The following ANKRD30B variants were observed in gnomAD, a reference collection of about 807,000 sequenced individuals.
ANKRD30B encodes ankyrin repeat domain-containing protein 30B.
In ANKRD30B, 144 loss-of-function variants were observed where a neutral mutation model predicts 202.2. The observed-to-expected ratio is 0.71, with a 90% CI of 0.62 to 0.82. The LOEUF (loss-of-function observed/expected upper bound fraction) is 0.82. Among genes scored for constraint, ANKRD30B ranks in the 40% least tolerant of loss-of-function variants. The pLI is 0.00. For synonymous variants in ANKRD30B, 508 were observed against 561.3 expected (o/e 0.91, Z 1.34); for missense variants, 1,487 against 1,669.1 (o/e 0.89, Z 1.90).
the ANKRD30B span, among the ~76,000 whole-genome samples, chr18:14,926,003 A>T: frequency 9.9e-5 from 15 of 151,468 alleles, no homozygotes; most frequent in African/African-American, 3.2e-4. Flanking sequence ...GTTTTCAGAT[A>T]AAAAAAAATG....
At chr18:14,885,971 T>C in the ANKRD30B span, among the ~76,000 whole-genome samples, 1 of 152,046 alleles carries the variant, frequency 6.6e-6, no homozygotes, top group South Asian at 2.1e-4. Flanking sequence ...TGTTTATATG[T>C]ATATTTTGCA....
the ANKRD30B span, among the ~76,000 whole-genome samples, chr18:14,917,600 T>A: frequency 6.6e-6 from 1 of 152,132 alleles, no homozygotes. Flanking sequence ...TTATTCAGAG[T>A]CAAGTTTGAG....
At chr18:14,843,550 T>C (rs1971506589) in intron 39 of ANKRD30B, among the ~76,000 whole-genome samples, 2 of 95,044 alleles carry the variant, frequency 2.1e-5, no homozygotes, top group African/African-American at 4.2e-5. Context: ...ATTAGCTTAC[T>C]TTCTGTGTGT....
the ANKRD30B span, among the ~76,000 whole-genome samples, chr18:14,916,547 A>C: frequency 2.0e-5 from 3 of 152,162 alleles, no homozygotes; most frequent in Non-Finnish European, 4.4e-5. Context: ...TGTATTCCCC[A>C]CTAGGAGCTG....
chr18:14,868,296 A>C, the ANKRD30B span, among the ~76,000 whole-genome samples: 3 of 152,290 alleles, frequency 2.0e-5, no homozygotes, highest in Admixed American at 1.3e-4. Context: ...AGGTGCAGCC[A>C]GGGCAAGGAG....
chr18:14,849,205 A>AG (rs2143253531), intron 40 of ANKRD30B, among the ~76,000 whole-genome samples: 1 of 151,970 alleles, frequency 6.6e-6, no homozygotes, highest in African/African-American at 2.4e-5. Context: ...TTGATTTTTA[A>AG]TTTTTTGTAT....
intron 32 of ANKRD30B, among the ~76,000 whole-genome samples, chr18:14,825,884 G>A (rs1416715801): frequency 6.6e-6 from 1 of 152,132 alleles, no homozygotes; most frequent in Admixed American, 6.6e-5. Flanking sequence ...CTAGGGGAGA[G>A]AAGAAATTTC....
chr18:14,849,604 T>C (rs73429628), intron 40 of ANKRD30B, among the ~76,000 whole-genome samples: 3,989 of 151,778 alleles, frequency 0.026, 187 homozygotes, highest in African/African-American at 0.092. Flanking sequence ...TATTTATACT[T>C]TTTCTTGTTC....
the ANKRD30B span, among the ~76,000 whole-genome samples, chr18:14,889,751 G>C: frequency 0.013 from 1,936 of 149,854 alleles, 43 homozygotes; most frequent in African/African-American, 0.046. Context: ...GATCCTTAGA[G>C]GTCAGCTGAT....
intron 9 of ANKRD30B, among the ~76,000 whole-genome samples, chr18:14,775,638 A>C (rs746875055): frequency 2.0e-4 from 30 of 152,370 alleles, no homozygotes; most frequent in Admixed American, 1.4e-3. Context: ...CATTCTTTTC[A>C]CAAATAGAAC....
intron 24 of ANKRD30B, among the ~76,000 whole-genome samples, chr18:14,806,497 G>A (rs1359474070): frequency 6.6e-6 from 1 of 150,828 alleles, no homozygotes; most frequent in African/African-American, 2.5e-5. Context: ...AATCTCCAGT[G>A]TACCCCTTTA....
chr18:14,806,312 TA>T (rs1969510961), intron 24 of ANKRD30B, among the ~76,000 whole-genome samples: 1 of 150,862 alleles, frequency 6.6e-6, no homozygotes, highest in Non-Finnish European at 1.5e-5. Flanking sequence ...AGCATCATAA[TA>T]ATTACAGATG....
chr18:14,844,198 A>G (rs1971537011), intron 39 of ANKRD30B, among the ~76,000 whole-genome samples: 1 of 152,230 alleles, frequency 6.6e-6, no homozygotes, highest in Non-Finnish European at 1.5e-5. Context: ...AAATTTGTTT[A>G]TGCAAAAAAC....
At chr18:14,751,075 T>C (rs893403247) in intron 1 of ANKRD30B, among the ~76,000 whole-genome samples, 5 of 152,074 alleles carry the variant, frequency 3.3e-5, no homozygotes, top group Admixed American at 1.3e-4. Flanking sequence ...TGCATTTGTA[T>C]ATTCTGTGAA....
chr18:14,917,577 A>G, the ANKRD30B span, among the ~76,000 whole-genome samples: 1 of 152,156 alleles, frequency 6.6e-6, no homozygotes, highest in Admixed American at 6.5e-5. Context: ...TGGGGGAGAA[A>G]AGGGAGAGGG....
intron 40 of ANKRD30B, among the ~76,000 whole-genome samples, chr18:14,850,003 TAGA>T (rs1456468871): frequency 6.6e-6 from 1 of 151,310 alleles, no homozygotes; most frequent in Non-Finnish European, 1.5e-5. Flanking sequence ...ACTTTCTAAC[TAGA>T]AGAAGTTTTT....
rs192401018 is a variant in ANKRD30B, at chr18:14,783,967, T to A, written c.1571-369T>A. On this transcript the variant is annotated intron_variant, in intron 12 of 43. Transcript: ENST00000690538. ...TCATAACTATGTACCTTTCCAAAGA[T>A]AGGCCATATTAAAGAACATGATGAA... Among the ~76,000 whole-genome samples the A allele has an allele frequency of 3.4e-3, 515 of 152,260 alleles. 1 individual carries two copies. Among genetic ancestry groups the A allele is most frequent in the Non-Finnish European group, 5.7e-3 (388 of 67,966 alleles).
the ANKRD30B span, among the ~76,000 whole-genome samples, chr18:14,879,121 C>A: frequency 1.3e-5 from 2 of 152,116 alleles, no homozygotes; most frequent in South Asian, 2.1e-4. Context: ...ACAGACCTTG[C>A]GGGCACTGCC....
the ANKRD30B span, among the ~76,000 whole-genome samples, chr18:14,903,885 CT>C: frequency 6.6e-6 from 1 of 152,224 alleles, no homozygotes; most frequent in Non-Finnish European, 1.5e-5. Flanking sequence ...CGAGGAACAA[CT>C]ACACATTCCA....
Sources: gnomAD v4.1 joint callset for allele counts (sites outside exome capture counted in the v4.1 genomes callset) on GRCh38, gnomAD v4.1.1 for gene constraint, MANE v1.5 for transcripts, NCBI Gene and HGNC (gene_info 2026-07-23, HGNC 2026-07-21) for gene names.